Variants in SHISA9 observed in about 807,000 individuals in gnomAD.
SHISA9 encodes protein shisa-9.
Under a neutral mutation model 38.0 loss-of-function variants are expected in SHISA9, and 13 were observed. That is an observed-to-expected ratio of 0.34 (90% CI 0.22 to 0.54). The LOEUF is 0.54. Ranked by LOEUF, SHISA9 falls within the 20% of genes least tolerant of loss-of-function variation. The pLI is 0.91. For synonymous variants in SHISA9, 275 were observed against 242.0 expected (o/e 1.14, Z -1.27); for missense variants, 538 against 575.8 (o/e 0.93, Z 0.67).
intron 2 of SHISA9, among the ~76,000 whole-genome samples, chr16:13,110,126 G>T (rs2073963304): frequency 6.6e-6 from 1 of 152,144 alleles, no homozygotes; most frequent in African/African-American, 2.4e-5. Context: ...ACATATAGAG[G>T]GTTGTGTTGA....
In SHISA9 at chr16:13,154,998, GA is replaced by G. The variant is rs1437209546; in HGVS notation, c.692-48393del. On this transcript the variant is annotated intron_variant, in intron 2 of 4. Coordinates refer to ENST00000558583, the MANE Select transcript of SHISA9 (RefSeq NM_001145204.3). ...GGCTGCTCAGATTGTAGATGATGATGAAATACTTCCTGTAGGAGTTATTGGC... is the reference window on the plus strand; with the variant it reads ...GGCTGCTCAGATTGTAGATGATGATGAATACTTCCTGTAGGAGTTATTGGC... Among the ~76,000 whole-genome samples, 30 of 152,288 alleles carry G rather than the reference GA, an allele frequency of 2.0e-4. No individual in the cohort carries two copies. The Middle Eastern group carries it at 0.01, about 52-fold the overall frequency.
the SHISA9 span, among the ~76,000 whole-genome samples, chr16:13,463,243 A>G: frequency 1.3e-5 from 2 of 152,230 alleles, no homozygotes; most frequent in East Asian, 1.9e-4. Flanking sequence ...AGAGCATGGC[A>G]TGACCCGTGA....
chr16:13,468,442 T>C, the SHISA9 span, among the ~76,000 whole-genome samples: 3 of 152,248 alleles, frequency 2.0e-5, no homozygotes, highest in African/African-American at 7.2e-5. Flanking sequence ...GATATAAATG[T>C]GATGCACAGA....
At chr16:13,333,911 G>C in the SHISA9 span, among the ~76,000 whole-genome samples, 489 of 152,272 alleles carry the variant, frequency 3.2e-3, 5 homozygotes, top group African/African-American at 0.011. Context: ...CTTGCTCTCA[G>C]GAAAGGTTGT....
chr16:12,905,212 A>G (rs2071077033), intron 1 of SHISA9, among the ~76,000 whole-genome samples: 1 of 152,204 alleles, frequency 6.6e-6, no homozygotes, highest in Non-Finnish European at 1.5e-5. Flanking sequence ...TTTAATATTC[A>G]CATACATGCA....
the SHISA9 span, among the ~76,000 whole-genome samples, chr16:13,406,091 T>G: frequency 6.6e-6 from 1 of 152,206 alleles, no homozygotes; most frequent in Non-Finnish European, 1.5e-5. Flanking sequence ...TTGCAAACTC[T>G]GCATCCAACA....
chr16:13,361,124 C>T, the SHISA9 span, among the ~76,000 whole-genome samples: 1 of 152,328 alleles, frequency 6.6e-6, no homozygotes, highest in South Asian at 2.1e-4. Context: ...CTTCATTTCC[C>T]ATACTCATGG....
intron 2 of SHISA9, among the ~76,000 whole-genome samples, chr16:13,168,915 G>T (rs778987106): frequency 7.9e-5 from 12 of 152,210 alleles, no homozygotes; most frequent in Non-Finnish European, 1.5e-4. Flanking sequence ...GACAGATGAC[G>T]CATGCATCGT....
At chr16:13,350,637 A>G in the SHISA9 span, 1 of 152,270 alleles carries the variant, frequency 6.6e-6, no homozygotes, top group Admixed American at 6.5e-5. Flanking sequence ...CTGTATACCA[A>G]TTGCAGACAT....
At chr16:13,037,090 A>ACAC (rs1350447454) in intron 2 of SHISA9, among the ~76,000 whole-genome samples, 1 of 23,866 alleles carries the variant, frequency 4.2e-5, no homozygotes, top group African/African-American at 1.4e-4. Flanking sequence ...ACACCACACC[A>ACAC]CACACACACA....
the SHISA9 span, among the ~76,000 whole-genome samples, chr16:13,373,022 GC>G: frequency 6.6e-6 from 1 of 151,858 alleles, no homozygotes; most frequent in Non-Finnish European, 1.5e-5. Context: ...ACCAATTCTT[GC>G]CCCCCTTGGA....
intron 2 of SHISA9, among the ~76,000 whole-genome samples, chr16:12,945,299 G>A (rs1380293674): frequency 6.6e-6 from 1 of 152,144 alleles, no homozygotes; most frequent in African/African-American, 2.4e-5. Context: ...AGCACATACG[G>A]CAGCCCCTCA....
At chr16:13,128,861 C>A (rs2050283461) in intron 2 of SHISA9, among the ~76,000 whole-genome samples, 1 of 152,166 alleles carries the variant, frequency 6.6e-6, no homozygotes, top group Non-Finnish European at 1.5e-5. Context: ...CATGATGGCA[C>A]AGGAACTTGG....
intron 3 of SHISA9, among the ~76,000 whole-genome samples, chr16:13,212,783 C>T (rs2051132998): frequency 1.3e-5 from 2 of 152,154 alleles, no homozygotes; most frequent in African/African-American, 2.4e-5. Flanking sequence ...GAGCCTGTCC[C>T]AACCTTGAAT....
chr16:13,275,584 G>C, the SHISA9 span, among the ~76,000 whole-genome samples: 1 of 151,910 alleles, frequency 6.6e-6, no homozygotes, highest in Non-Finnish European at 1.5e-5. Context: ...TTAAATAGTG[G>C]CATTATGCTG....
intron 2 of SHISA9, among the ~76,000 whole-genome samples, chr16:12,918,375 G>C (rs1030976585): frequency 6.6e-6 from 1 of 152,160 alleles, no homozygotes; most frequent in Admixed American, 6.6e-5. Context: ...GAAATTGAAA[G>C]GGTGTCAAGT....
the SHISA9 span, among the ~76,000 whole-genome samples, chr16:13,479,684 C>CATG: frequency 6.6e-6 from 1 of 152,170 alleles, no homozygotes; most frequent in Non-Finnish European, 1.5e-5. Flanking sequence ...CTCACGGCTG[C>CATG]ATGAGGATGC....
the SHISA9 span, among the ~76,000 whole-genome samples, chr16:13,504,351 T>G: frequency 2.0e-5 from 3 of 152,174 alleles, no homozygotes; most frequent in Non-Finnish European, 2.9e-5. Flanking sequence ...TAACTGATTT[T>G]CTTTTCGGAG....
chr16:13,441,635 A>T, the SHISA9 span, among the ~76,000 whole-genome samples: 1 of 152,166 alleles, frequency 6.6e-6, no homozygotes, highest in Non-Finnish European at 1.5e-5. Flanking sequence ...CATGTTTTCT[A>T]TAAGTGATTG....
Sources: gnomAD v4.1 joint callset for allele counts (sites outside exome capture counted in the v4.1 genomes callset) on GRCh38, gnomAD v4.1.1 for gene constraint, MANE v1.5 for transcripts, NCBI Gene and HGNC (gene_info 2026-07-23, HGNC 2026-07-21) for gene names.